MEF2A: variants seen among roughly 807,000 people sequenced by gnomAD.
The protein encoded by MEF2A is myocyte enhancer factor 2A.
A neutral mutation model predicts 55.8 loss-of-function variants in MEF2A; 28 were observed. The observed-to-expected ratio is 0.50, with a 90% CI of 0.37 to 0.69. MEF2A has a LOEUF of 0.69. Among genes scored for constraint, MEF2A ranks in the 30% least tolerant of loss-of-function variants. MEF2A has a pLI of 0.00. For missense variants in MEF2A, 528 were observed against 626.2 expected, an observed-to-expected ratio of 0.84 and a Z score of 1.67; for synonymous variants, 239 against 227.1, an observed-to-expected ratio of 1.05 and a Z score of -0.47.
intron 7 of MEF2A, among the ~76,000 whole-genome samples, chr15:99,684,752 T>C (rs1438764807): frequency 6.6e-6 from 1 of 152,234 alleles, no homozygotes. Flanking sequence ...TTTGGGTTCT[T>C]GATCATGAAC....
Position 99,715,218 on chromosome 15 carries a change from A to G in MEF2A, c.*2447A>G, listed in dbSNP as rs976346804. On this transcript the variant is annotated 3_prime_UTR_variant, in exon 12 of 12. Coordinates refer to ENST00000557942, the MANE Select transcript of MEF2A (RefSeq NM_001319206.4). Reference sequence around the variant, plus strand: ...TTTATAGCTTTGAAAGTGTTAAGTGATTCCTTCGTTATTATTTATGCATGT... The same window carrying G: ...TTTATAGCTTTGAAAGTGTTAAGTGGTTCCTTCGTTATTATTTATGCATGT... The G allele has an allele frequency of 6.6e-6, 1 of 152,184 alleles. No individual in the cohort carries two copies. The highest frequency in any genetic ancestry group is 2.4e-5 in the African/African-American group (1 of 41,440). The allele number at this position is 152,184 out of a possible 1,614,324, so 9.4% of individuals were successfully genotyped here. A position where few individuals can be genotyped will look rare whatever the true frequency, so the allele number is the denominator to read the frequency against.
chr15:99,662,464 A>AGTTTTTTCTTT (rs2048814501), intron 4 of MEF2A, among the ~76,000 whole-genome samples: 1 of 150,798 alleles, frequency 6.6e-6, no homozygotes. Flanking sequence ...TTAAGACATG[A>AGTTTTTTCTTT]TTTCTTTTTT....
intron 2 of MEF2A, among the ~76,000 whole-genome samples, chr15:99,623,241 T>C (rs1277441013): frequency 7.2e-5 from 11 of 152,238 alleles, no homozygotes; most frequent in Admixed American, 7.2e-4. Context: ...CAGGATTTCC[T>C]TCTTTTTTAA....
intron 1 of MEF2A, among the ~76,000 whole-genome samples, chr15:99,579,273 G>A (rs919917867): frequency 6.0e-5 from 9 of 149,800 alleles, no homozygotes; most frequent in Admixed American, 4.0e-4. Context: ...TCTGTTTAGA[G>A]TATTGGCTTA....
chr15:99,674,834 T>C (rs2051607207), intron 6 of MEF2A, among the ~76,000 whole-genome samples: 1 of 152,212 alleles, frequency 6.6e-6, no homozygotes. Flanking sequence ...GCCATTTATA[T>C]GCTTTCCTTC....
At chr15:99,703,335 CTT>C (rs1337920052) in intron 8 of MEF2A, 25 bp from the exon 9 acceptor site, 1 of 1,612,126 alleles carries the variant, frequency 6.2e-7, no homozygotes, top group African/African-American at 1.3e-5. Context: ...TAGTAACTCT[CTT>C]ATCCCTCTTA....
intron 4 of MEF2A, among the ~76,000 whole-genome samples, chr15:99,662,422 A>G (rs1464151084): frequency 6.6e-6 from 1 of 152,102 alleles, no homozygotes; most frequent in African/African-American, 2.4e-5. Flanking sequence ...TTTTTAAAAT[A>G]TCACAATAAT....
intron 2 of MEF2A, among the ~76,000 whole-genome samples, chr15:99,600,796 C>G (rs1445165209): frequency 2.0e-5 from 3 of 152,106 alleles, no homozygotes; most frequent in Admixed American, 6.6e-5. Context: ...ATTACTGAAG[C>G]TTTTATAGTA....
chr15:99,580,290 C>T (rs1314898510), intron 1 of MEF2A, among the ~76,000 whole-genome samples: 7 of 152,132 alleles, frequency 4.6e-5, no homozygotes, highest in East Asian at 1.9e-4. Context: ...TGTCTTCAGG[C>T]TGTGCTGTGT....
intron 3 of MEF2A, among the ~76,000 whole-genome samples, chr15:99,640,509 C>T (rs1213857397): frequency 6.6e-6 from 1 of 150,896 alleles, no homozygotes; most frequent in East Asian, 1.9e-4. Flanking sequence ...TCCTTCCTCC[C>T]TCTCTCCCTC....
intron 9 of MEF2A, 133 bp downstream of exon 9, chr15:99,703,518 A>G: frequency 5.5e-6 from 4 of 721,422 alleles, no homozygotes; most frequent in South Asian, 5.2e-5. Context: ...ACTTTGAATA[A>G]AGCAATCTAC....
At chr15:99,580,544 A>G (rs1279354560) in intron 1 of MEF2A, among the ~76,000 whole-genome samples, 1 of 152,230 alleles carries the variant, frequency 6.6e-6, no homozygotes, top group Non-Finnish European at 1.5e-5. Flanking sequence ...AATAAACTAC[A>G]TTTAAATGCC....
chr15:99,683,258 G>A (rs1171829653), intron 7 of MEF2A, among the ~76,000 whole-genome samples: 1 of 152,114 alleles, frequency 6.6e-6, no homozygotes, highest in African/African-American at 2.4e-5. Flanking sequence ...AACCTCATGA[G>A]GTTAACTGAA....
At chr15:99,635,860 C>G (rs1370608554) in intron 3 of MEF2A, among the ~76,000 whole-genome samples, 1 of 152,006 alleles carries the variant, frequency 6.6e-6, no homozygotes, top group African/African-American at 2.4e-5. Flanking sequence ...TTGTTTTCTA[C>G]TTTGGTACTA....
At chr15:99,686,451 A>C (rs2054235772) in intron 7 of MEF2A, among the ~76,000 whole-genome samples, 1 of 152,144 alleles carries the variant, frequency 6.6e-6, no homozygotes, top group South Asian at 2.1e-4. Context: ...TTGTCTGAAA[A>C]AGACTCTCTC....
At position 99,687,244 on chromosome 15, in the gene MEF2A, C is replaced by T. The variant is rs577987177; in HGVS notation, c.671-2997C>T. On this transcript the variant is annotated intron_variant, in intron 7 of 11. Coordinates refer to ENST00000557942, the MANE Select transcript of MEF2A (RefSeq NM_001319206.4). The stretch of plus-strand genomic sequence containing the variant: ...TCTGACCCAGAGGCAAACCATTTTA[C>T]GTCTCAGAATGCAGTCTTGTCAGGA... Among the ~76,000 whole-genome samples the T allele has an allele frequency of 1.4e-3, 217 of 151,968 alleles. 2 individuals are homozygous for T. Among genetic ancestry groups the T allele is most frequent in the African/African-American group, 5.1e-3 (211 of 41,460 alleles).
chr15:99,644,452 T>G (rs1179932881), intron 3 of MEF2A, among the ~76,000 whole-genome samples: 1 of 152,234 alleles, frequency 6.6e-6, no homozygotes, highest in African/African-American at 2.4e-5. Context: ...AAAGAGGATA[T>G]TAAAGTCATG....
At chr15:99,566,446 C>G (rs1378339931) in intron 1 of MEF2A, 1 of 102,874 alleles carries the variant, frequency 9.7e-6, no homozygotes, top group Non-Finnish European at 2.0e-5. Flanking sequence ...GCCGGTGGGG[C>G]TGGATGGGGC....
chr15:99,636,351 A>C (rs552120042), intron 3 of MEF2A, among the ~76,000 whole-genome samples: 5 of 152,130 alleles, frequency 3.3e-5, no homozygotes, highest in African/African-American at 1.2e-4. Flanking sequence ...TTCTTTTTTA[A>C]AAATTTTATT....
Sources: allele counts gnomAD v4.1 joint callset (sites outside exome capture counted in the v4.1 genomes callset), GRCh38; gene constraint gnomAD v4.1.1; transcripts MANE v1.5; gene names NCBI Gene and HGNC (gene_info 2026-07-23, HGNC 2026-07-21).